The following DNER variants were observed in gnomAD, a reference collection of about 807,000 sequenced individuals.
The protein encoded by DNER is delta and Notch-like epidermal growth factor-related receptor.
Under a neutral mutation model 78.2 loss-of-function variants are expected in DNER, and 33 were observed. That is an observed-to-expected ratio of 0.42 (90% CI 0.32 to 0.56). The LOEUF (loss-of-function observed/expected upper bound fraction) is 0.56. DNER is among the 20% of genes least tolerant of loss of function. The pLI is 0.11. For missense variants in DNER, 918 were observed against 975.3 expected (o/e 0.94, Z 0.78); for synonymous variants, 417 against 384.8 (o/e 1.08, Z -0.98).
chr2:229,612,450 A>G (rs1451567683), intron 1 of DNER, among the ~76,000 whole-genome samples: 1 of 152,242 alleles, frequency 6.6e-6, no homozygotes, highest in African/African-American at 2.4e-5. Flanking sequence ...AGCCAGCCAC[A>G]GCCAGTAAAG....
intron 4 of DNER, among the ~76,000 whole-genome samples, chr2:229,572,961 G>C (rs1463565722): frequency 1.3e-5 from 2 of 152,136 alleles, no homozygotes; most frequent in Non-Finnish European, 2.9e-5. Flanking sequence ...TTGGGACCTG[G>C]TATTTCTTTG....
intron 1 of DNER, among the ~76,000 whole-genome samples, chr2:229,690,246 G>A (rs1320861386): frequency 6.6e-6 from 1 of 152,200 alleles, no homozygotes; most frequent in African/African-American, 2.4e-5. Context: ...GGTCTAATAT[G>A]TGGCCTGGGT....
intron 1 of DNER, among the ~76,000 whole-genome samples, chr2:229,626,149 G>A (rs1698340019): frequency 6.6e-6 from 1 of 152,096 alleles, no homozygotes; most frequent in African/African-American, 2.4e-5. Context: ...GCGATCTCCC[G>A]ACCTCGTGAT....
chr2:229,368,830 C>T (rs1692409953), intron 11 of DNER, among the ~76,000 whole-genome samples: 1 of 152,180 alleles, frequency 6.6e-6, no homozygotes, highest in South Asian at 2.1e-4. Flanking sequence ...CTTTGCACAG[C>T]AACATACTAA....
At chr2:229,414,226 C>T (rs1467658972) in intron 9 of DNER, among the ~76,000 whole-genome samples, 1 of 152,154 alleles carries the variant, frequency 6.6e-6, no homozygotes, top group Non-Finnish European at 1.5e-5. Context: ...TTTTCAGCAG[C>T]CTTATTTAAA....
At chr2:229,493,087 A>T (rs1695436366) in intron 6 of DNER, among the ~76,000 whole-genome samples, 1 of 152,208 alleles carries the variant, frequency 6.6e-6, no homozygotes, top group Non-Finnish European at 1.5e-5. Context: ...CTCCAGCAGG[A>T]GGTGACCCAT....
At chr2:229,456,929 A>AT (rs1322741146) in intron 7 of DNER, among the ~76,000 whole-genome samples, 1 of 152,132 alleles carries the variant, frequency 6.6e-6, no homozygotes, top group African/African-American at 2.4e-5. Context: ...AGAAAAAAAA[A>AT]GACATGATAC....
intron 1 of DNER, among the ~76,000 whole-genome samples, chr2:229,665,688 G>A (rs774402496): frequency 2.6e-5 from 4 of 152,134 alleles, no homozygotes; most frequent in Admixed American, 6.6e-5. Context: ...CCAAAGCAAT[G>A]CATAGCTGGA....
intron 1 of DNER, among the ~76,000 whole-genome samples, chr2:229,679,965 A>C (rs1389230108): frequency 6.6e-6 from 1 of 152,214 alleles, no homozygotes; most frequent in Admixed American, 6.5e-5. Flanking sequence ...AATTACATGC[A>C]GTAAAAGCAA....
At chr2:229,598,413 G>T (rs1348350238) in intron 1 of DNER, among the ~76,000 whole-genome samples, 2 of 152,194 alleles carry the variant, frequency 1.3e-5, no homozygotes, top group Admixed American at 6.5e-5. Context: ...CCCTTGAAAA[G>T]CTCACAGTCC....
chr2:229,627,238 A>G (rs1373204018), intron 1 of DNER, among the ~76,000 whole-genome samples: 1 of 152,174 alleles, frequency 6.6e-6, no homozygotes, highest in Non-Finnish European at 1.5e-5. Context: ...TCCTCACAAT[A>G]AGCACCTACA....
chr2:229,544,100 G>C (rs1696571798), intron 5 of DNER, among the ~76,000 whole-genome samples: 1 of 152,024 alleles, frequency 6.6e-6, no homozygotes, highest in Admixed American at 6.6e-5. Flanking sequence ...GTTCTCCTTA[G>C]CCTCCTCTTC....
intron 6 of DNER, among the ~76,000 whole-genome samples, chr2:229,498,583 T>G (rs148398613): frequency 2.0e-5 from 3 of 152,142 alleles, no homozygotes; most frequent in African/African-American, 7.2e-5. Context: ...GGATACAAAA[T>G]GAACATACAA....
At chr2:229,380,296 G>A (rs1692706805) in intron 11 of DNER, among the ~76,000 whole-genome samples, 1 of 152,190 alleles carries the variant, frequency 6.6e-6, no homozygotes, top group Non-Finnish European at 1.5e-5. Context: ...GACATAGAGA[G>A]GAGTGGAGAG....
At chr2:229,684,165 AGAGAGTGTGTGTGTGTGTGT>A (rs1699442085) in intron 1 of DNER, among the ~76,000 whole-genome samples, 1 of 117,022 alleles carries the variant, frequency 8.5e-6, no homozygotes, top group Non-Finnish European at 1.7e-5. Context: ...AGAGAGAGAG[AGAGAGTGTGTGTGTGTGTGT>A]GTGTGTGTGT....
intron 5 of DNER, among the ~76,000 whole-genome samples, chr2:229,528,130 G>C (rs1696240228): frequency 6.6e-6 from 1 of 152,238 alleles, no homozygotes; most frequent in Admixed American, 6.5e-5. Flanking sequence ...AATTAGACAT[G>C]AGTCTAGCCC....
At chr2:229,474,438 G>A (rs1351789471) in intron 7 of DNER, among the ~76,000 whole-genome samples, 1 of 152,144 alleles carries the variant, frequency 6.6e-6, no homozygotes, top group African/African-American at 2.4e-5. Flanking sequence ...TCGAATAAAA[G>A]TCTTTGTAGT....
At chr2:229,505,783 A>G (rs1695728735) in intron 6 of DNER, among the ~76,000 whole-genome samples, 1 of 152,228 alleles carries the variant, frequency 6.6e-6, no homozygotes, top group Admixed American at 6.5e-5. Context: ...CAATGTAAAA[A>G]GATATTATTT....
chr2:229,584,608 G>A (rs1697464387), intron 4 of DNER, among the ~76,000 whole-genome samples: 2 of 152,260 alleles, frequency 1.3e-5, no homozygotes, highest in Non-Finnish European at 2.9e-5. Context: ...GAATACTGAG[G>A]GTCTCTCTTT....
Sources: allele counts gnomAD v4.1 joint callset (sites outside exome capture counted in the v4.1 genomes callset), GRCh38; gene constraint gnomAD v4.1.1; transcripts MANE v1.5; gene names NCBI Gene and HGNC (gene_info 2026-07-23, HGNC 2026-07-21).